The following C14orf39 variants were observed in gnomAD, a reference collection of about 807,000 sequenced individuals.
C14orf39 encodes the protein chromosome 14 open reading frame 39, also known as protein SIX6OS1.
Under a neutral mutation model 85.6 loss-of-function variants are expected in C14orf39, and 66 were observed. The observed-to-expected ratio is 0.77, with a 90% CI of 0.63 to 0.95. The LOEUF (loss-of-function observed/expected upper bound fraction) is 0.95. Ranked by LOEUF, C14orf39 falls within the 40% of genes least tolerant of loss-of-function variation. The pLI is 0.00. For missense variants in C14orf39, 735 were observed against 663.9 expected (o/e 1.11, Z -1.18); for synonymous variants, 242 against 214.0 (o/e 1.13, Z -1.14).
At position 60,471,693 on chromosome 14, in the gene C14orf39, G is replaced by A. The variant is rs541894337; in HGVS notation, c.370C>T (p.Gln124Ter). Residue 124 changes from glutamine to a stop codon, truncating the protein, a stop_gained, in exon 6 of 18, where the codon CAG becomes TAG. Transcript: ENST00000321731. LOFTEE classifies it high-confidence loss of function. ...YICQYKEVLKQYQLKYSETPF... is the reference protein window; with the variant it reads ...YICQYKEVLK The stretch of plus-strand genomic sequence containing the variant: ...GTTTCTGAGTATTTTAGTTGGTACT[G>A]CTTCAAAACTTCTTTATACTGACAT... The A allele has an allele frequency of 6.3e-7, 1 of 1,584,566 alleles. No individual in the cohort carries two copies. The highest frequency in any genetic ancestry group is 8.6e-7 in the Non-Finnish European group (1 of 1,161,594).
chr14:60,474,634 C>G (rs964799858), intron 5 of C14orf39, among the ~76,000 whole-genome samples: 6 of 152,004 alleles, frequency 3.9e-5, no homozygotes, highest in African/African-American at 7.3e-5. Flanking sequence ...TTATCAAAGG[C>G]CTTTTCTGCA....
At chr14:60,478,089 G>A (rs1290777545) in intron 5 of C14orf39, among the ~76,000 whole-genome samples, 2 of 144,768 alleles carry the variant, frequency 1.4e-5, no homozygotes, top group African/African-American at 5.0e-5. Flanking sequence ...TGAGGCAAAA[G>A]AATGGCGTGA....
At chr14:60,458,250 A>G (rs1262430466) in intron 14 of C14orf39, among the ~76,000 whole-genome samples, 1 of 151,928 alleles carries the variant, frequency 6.6e-6, no homozygotes, top group African/African-American at 2.4e-5. Context: ...GTATCCATTA[A>G]TCAGCTTCTC....
rs1380851786 is a variant in C14orf39, at chr14:60,509,729, G to A, written c.-144+5666C>T. 1.9e-6 allele frequency: 3 copies of A among 1,614,020 alleles called. No homozygotes were observed. The South Asian group carries it at 3.3e-5, about 18-fold the overall frequency. On this transcript the variant is annotated intron_variant, in intron 1 of 5. Transcript: ENST00000556799. ...GCGTGGAAGACCCCTGGGACCTGTG[G>A]ACAAGTACCGAGTAAGGAAGAAGTT...
chr14:60,493,392 A>G (rs1338828799), intron 2 of C14orf39, among the ~76,000 whole-genome samples: 2 of 152,164 alleles, frequency 1.3e-5, no homozygotes, highest in African/African-American at 4.8e-5. Flanking sequence ...AAATATAGTT[A>G]CCTTTTAAGT....
Position 60,462,559 on chromosome 14 carries a change from A to G in C14orf39, c.973-966T>C, listed in dbSNP as rs1365977928. Among the ~76,000 whole-genome samples, 3 of 152,122 alleles carry G rather than the reference A, an allele frequency of 2.0e-5. No individual in the cohort carries two copies. The East Asian group carries it at 5.8e-4, about 29-fold the overall frequency. ...AAAGTTTATCTCATTTATTTTTGTT[A>G]TAACAGACATTGATCTTAATTCTGT... On this transcript the variant is annotated intron_variant, in intron 11 of 17. Transcript: ENST00000321731.
At chr14:60,486,163 T>G (rs1892885029), upstream of C14orf39, 1 of 151,792 alleles carries the variant, frequency 6.6e-6, no homozygotes, top group Non-Finnish European at 1.5e-5. Context: ...GAGATCGCGC[T>G]CTGGACGAGA....
chr14:60,509,058 G>C, intron 1 of C14orf39: 1 of 382,182 alleles, frequency 2.6e-6, no homozygotes, highest in Admixed American at 4.3e-5. Context: ...AATAGTCCTG[G>C]CGTGCTGATT....
In C14orf39 at chr14:60,485,027, T is replaced by TAC. The variant is rs1258224987; in HGVS notation, c.49+1_49+2dup. 2 of 1,609,340 alleles carry TAC rather than the reference T, an allele frequency of 1.2e-6. No homozygotes were observed. Among genetic ancestry groups the TAC allele is most frequent in the Non-Finnish European group, 1.7e-6 (2 of 1,178,960 alleles). On this transcript the variant is annotated splice_region_variant and intron_variant, in intron 2 of 17. Coordinates refer to ENST00000321731, the MANE Select transcript of C14orf39 (RefSeq NM_174978.3). ...GCTACCTATTTTTTCACTTTATACC[T>TAC]ACCAAATTCTAGCAAAAGTCTGTCC...
chr14:60,506,521 C>G (rs1893205536), intron 1 of C14orf39, among the ~76,000 whole-genome samples: 1 of 152,206 alleles, frequency 6.6e-6, no homozygotes, highest in Non-Finnish European at 1.5e-5. Flanking sequence ...GCTCGGCTCA[C>G]ATACTTCTTC....
At chr14:60,468,833 A>G (rs1020346427) in intron 8 of C14orf39, among the ~76,000 whole-genome samples, 1 of 151,624 alleles carries the variant, frequency 6.6e-6, no homozygotes, top group Non-Finnish European at 1.5e-5. Flanking sequence ...CAGTTACCAT[A>G]TATTTTAAAG....
intron 17 of C14orf39, among the ~76,000 whole-genome samples, chr14:60,439,813 C>T (rs1453678658): frequency 3.9e-5 from 6 of 152,186 alleles, no homozygotes; most frequent in African/African-American, 1.4e-4. Context: ...GTGGCTCACG[C>T]CTGTGATCCC....
Position 60,455,049 on chromosome 14 carries a change from C to A in C14orf39, c.1455G>T (p.Leu485Phe). ...CAAATACAGAAGAATCAAATAAATT[C>A]AATCCAGGTGATCTAGAAGTATAAC... Reference protein sequence around the residue: ...LMSYTSRSPGLNLFDSSVFDT... With the variant: ...LMSYTSRSPGFNLFDSSVFDT... Residue 485 changes from leucine (L) to phenylalanine (F), a missense_variant, in exon 16 of 18, where the codon TTG (leucine) becomes TTT (phenylalanine). Transcript: ENST00000321731. 1 of 1,576,620 alleles carries A rather than the reference C, an allele frequency of 6.3e-7. No individual in the cohort carries two copies. The highest frequency in any genetic ancestry group is 8.6e-7 in the Non-Finnish European group (1 of 1,166,374).
At chr14:60,497,837 G>A (rs1022698630) in intron 2 of C14orf39, among the ~76,000 whole-genome samples, 3 of 151,508 alleles carry the variant, frequency 2.0e-5, no homozygotes, top group Non-Finnish European at 2.9e-5. Context: ...AGGCAAGTTC[G>A]CACCACTGCA....
intron 1 of C14orf39, among the ~76,000 whole-genome samples, chr14:60,510,595 C>T (rs1258802436): frequency 1.3e-5 from 2 of 152,144 alleles, no homozygotes; most frequent in East Asian, 3.9e-4. Flanking sequence ...CCTCATCCCC[C>T]AGGCCCAAAT....
At chr14:60,509,856 C>T in intron 1 of C14orf39, 2 of 1,613,794 alleles carry the variant, frequency 1.2e-6, no homozygotes, top group Non-Finnish European at 1.7e-6. Context: ...GATCCATACC[C>T]TAACCCCAGC....
At chr14:60,441,338 G>T (rs1181130639) in intron 17 of C14orf39, among the ~76,000 whole-genome samples, 2 of 152,148 alleles carry the variant, frequency 1.3e-5, no homozygotes, top group Non-Finnish European at 2.9e-5. Flanking sequence ...CATGTTCCTT[G>T]GGTGGCAGTG....
At chr14:60,479,352 G>A (rs764418070) in intron 4 of C14orf39, among the ~76,000 whole-genome samples, 3 of 152,052 alleles carry the variant, frequency 2.0e-5, no homozygotes, top group Non-Finnish European at 4.4e-5. Context: ...ATTTTTAAAT[G>A]TCATAAATAC....
upstream of C14orf39, among the ~76,000 whole-genome samples, chr14:60,490,573 A>C (rs1181809410): frequency 4.6e-5 from 7 of 152,232 alleles, no homozygotes; most frequent in South Asian, 1.2e-3. Context: ...GTGGCGAGCT[A>C]TGATCGCACC....
Sources: gnomAD v4.1 joint callset for allele counts (sites outside exome capture counted in the v4.1 genomes callset) on GRCh38, gnomAD v4.1.1 for gene constraint, MANE v1.5 for transcripts, NCBI Gene and HGNC (gene_info 2026-07-23, HGNC 2026-07-21) for gene names.